PTPRR: variants seen among roughly 807,000 people sequenced by gnomAD.
The protein encoded by PTPRR is protein tyrosine phosphatase receptor type R.
Under a neutral mutation model 77.2 loss-of-function variants are expected in PTPRR, and 38 were observed. That is an observed-to-expected ratio of 0.49 (90% CI 0.38 to 0.65). The LOEUF (loss-of-function observed/expected upper bound fraction) is 0.65, where lower values mean the gene tolerates loss of function less well. PTPRR is among the 30% of genes least tolerant of loss of function. PTPRR has a pLI of 0.00. For synonymous variants in PTPRR, 299 were observed against 283.1 expected, an observed-to-expected ratio of 1.06 and a Z score of -0.57; for missense variants, 744 against 799.2, an observed-to-expected ratio of 0.93 and a Z score of 0.83.
At chr12:70,894,956 T>A (rs1446187516) in intron 1 of PTPRR, among the ~76,000 whole-genome samples, 1 of 151,696 alleles carries the variant, frequency 6.6e-6, no homozygotes, top group Non-Finnish European at 1.5e-5. Flanking sequence ...AGGATCCACA[T>A]AAAATATAAT....
intron 2 of PTPRR, among the ~76,000 whole-genome samples, chr12:70,884,770 G>GAGT (rs60963201): frequency 1.3e-4 from 19 of 150,550 alleles, no homozygotes; most frequent in African/African-American, 4.7e-4. Context: ...TACTCCGGAG[G>GAGT]CTGAGGCCAG....
Position 70,795,913 on chromosome 12 carries a change from A to ATTTTTTTTTTTTTTTTTTTT in PTPRR, c.358-31155_358-31136dup, listed in dbSNP as rs71437157. Among the ~76,000 whole-genome samples, 20 of 88,356 alleles carry ATTTTTTTTTTTTTTTTTTTT rather than the reference A, an allele frequency of 2.3e-4. 10 individuals carry two copies. Among genetic ancestry groups the ATTTTTTTTTTTTTTTTTTTT allele is most frequent in the East Asian group, 7.4e-4 (2 of 2,708 alleles). The allele number at this position is 88,356 out of a possible 152,430, so 58.0% of individuals were successfully genotyped here. On this transcript the variant is annotated intron_variant, in intron 2 of 13. Coordinates refer to ENST00000283228, the MANE Select transcript of PTPRR (RefSeq NM_002849.4). ...TATATGTTCAAAATGTATTTAGTAGATTTTTTTTTTTTTTTTTTTTTTTTT... is the reference window on the plus strand; with the variant it reads ...TATATGTTCAAAATGTATTTAGTAGATTTTTTTTTTTTTTTTTTTTTTTTTTTTTTTTTTTTTTTTTTTTT...
At chr12:70,877,755 A>T (rs1418617630) in intron 2 of PTPRR, among the ~76,000 whole-genome samples, 1 of 152,184 alleles carries the variant, frequency 6.6e-6, no homozygotes, top group Non-Finnish European at 1.5e-5. Flanking sequence ...ACTACTTCAA[A>T]GTTCATATGG....
At chr12:70,772,620 C>T (rs926076749) in intron 2 of PTPRR, among the ~76,000 whole-genome samples, 1 of 152,050 alleles carries the variant, frequency 6.6e-6, no homozygotes, top group Non-Finnish European at 1.5e-5. Context: ...GCATTTCCAC[C>T]TTAGGGTCTC....
intron 2 of PTPRR, among the ~76,000 whole-genome samples, chr12:70,877,211 T>C (rs1893066501): frequency 1.3e-5 from 2 of 152,156 alleles, no homozygotes; most frequent in East Asian, 1.9e-4. Flanking sequence ...GGCTGTGTGA[T>C]GCACAGCTCC....
At chr12:70,864,039 A>G (rs1892798810) in intron 2 of PTPRR, among the ~76,000 whole-genome samples, 1 of 152,222 alleles carries the variant, frequency 6.6e-6, no homozygotes, top group African/African-American at 2.4e-5. Flanking sequence ...GTAAAGATAC[A>G]AAAGGGTAAT....
chr12:70,897,224 A>G (rs1403898415), intron 1 of PTPRR, among the ~76,000 whole-genome samples: 5 of 151,846 alleles, frequency 3.3e-5, no homozygotes, highest in African/African-American at 7.3e-5. Context: ...GCAACCTACA[A>G]AATGGGAGAA....
At position 70,639,111 on chromosome 12, in the gene PTPRR, C is replaced by A; in HGVS notation, c.*73G>T. On this transcript the variant is annotated 3_prime_UTR_variant, in exon 14 of 14. Transcript: ENST00000283228. Reference sequence around the variant, plus strand: ...TCCTTCCTTCCATTGCAGGAAGCTCCTTCTAGAAGCCTTGGGTGGGTAATT... The same window carrying A: ...TCCTTCCTTCCATTGCAGGAAGCTCATTCTAGAAGCCTTGGGTGGGTAATT... 1.5e-6 allele frequency: 2 copies of A among 1,342,802 alleles called. No individual in the cohort carries two copies. The highest frequency in any genetic ancestry group is 1.0e-6 in the Non-Finnish European group (1 of 954,458). 83.2% of individuals were successfully genotyped at this position (1,342,802 alleles called of 1,614,324 possible).
chr12:70,804,275 G>T (rs982924094), intron 2 of PTPRR, among the ~76,000 whole-genome samples: 2 of 151,926 alleles, frequency 1.3e-5, no homozygotes, highest in Non-Finnish European at 2.9e-5. Flanking sequence ...AGACCTCTGG[G>T]CCGGGTGCAG....
intron 1 of PTPRR, among the ~76,000 whole-genome samples, chr12:70,908,012 GTTCA>G (rs1277653781): frequency 1.4e-4 from 22 of 152,164 alleles, no homozygotes; most frequent in African/African-American, 5.3e-4. Flanking sequence ...TCTATACATC[GTTCA>G]TTGTTATACA....
chr12:70,865,848 G>A (rs966378500), intron 2 of PTPRR, among the ~76,000 whole-genome samples: 3 of 152,116 alleles, frequency 2.0e-5, no homozygotes, highest in South Asian at 2.1e-4. Flanking sequence ...GAGAGAGCAC[G>A]TATTCTGTCT....
At chr12:70,865,257 C>A (rs1196245297) in intron 2 of PTPRR, among the ~76,000 whole-genome samples, 1 of 152,204 alleles carries the variant, frequency 6.6e-6, no homozygotes, top group Admixed American at 6.5e-5. Flanking sequence ...TCCATTAGAC[C>A]TCTTTTTCTT....
At position 70,795,913 on chromosome 12, in the gene PTPRR, A is replaced by ATTTTTTTTTTTTTTTT. The variant is rs71437157; in HGVS notation, c.358-31151_358-31136dup. ...TATATGTTCAAAATGTATTTAGTAG[A>ATTTTTTTTTTTTTTTT]TTTTTTTTTTTTTTTTTTTTTTTTT... On this transcript the variant is annotated intron_variant, in intron 2 of 13. Coordinates refer to ENST00000283228, the MANE Select transcript of PTPRR (RefSeq NM_002849.4). Among the ~76,000 whole-genome samples the ATTTTTTTTTTTTTTTT allele has an allele frequency of 5.2e-4, 46 of 88,356 alleles. 21 individuals are homozygous for ATTTTTTTTTTTTTTTT. The highest frequency in any genetic ancestry group is 5.5e-4 in the Non-Finnish European group (25 of 45,284). The allele number at this position is 88,356 out of a possible 152,430, so 58.0% of individuals were successfully genotyped here. A position where few individuals can be genotyped will look rare whatever the true frequency, so the allele number is the denominator to read the frequency against.
At position 70,904,987 on chromosome 12, in the gene PTPRR, A is replaced by G. The variant is rs144637290; in HGVS notation, c.59-12010T>C. On this transcript the variant is annotated intron_variant, in intron 1 of 13. Transcript: ENST00000283228. ...TTTTTAAGAAAGTAGAGATTTTGGC[A>G]CATTTAATCCTCAAGGAGAAGGAGC... 9.3e-3 allele frequency among the ~76,000 whole-genome samples: 1,406 copies of G among 151,884 alleles called. 29 individuals are homozygous for G. Among genetic ancestry groups the G allele is most frequent in the African/African-American group, 0.033 (1,357 of 41,508 alleles).
chr12:70,826,377 C>G (rs1400258148), intron 2 of PTPRR, among the ~76,000 whole-genome samples: 2 of 152,164 alleles, frequency 1.3e-5, no homozygotes, highest in Admixed American at 6.5e-5. Context: ...GGCCCAGTGA[C>G]AGAGATGGGG....
intron 2 of PTPRR, among the ~76,000 whole-genome samples, chr12:70,864,607 T>C (rs1416284923): frequency 6.6e-6 from 1 of 152,232 alleles, no homozygotes; most frequent in Non-Finnish European, 1.5e-5. Flanking sequence ...TATTCCATTA[T>C]GTGCCAGTCA....
At chr12:70,884,042 G>A (rs1209416410) in intron 2 of PTPRR, among the ~76,000 whole-genome samples, 2 of 152,208 alleles carry the variant, frequency 1.3e-5, no homozygotes, top group Admixed American at 1.3e-4. Flanking sequence ...TGACCTGTCT[G>A]AACTCTAGAC....
At position 70,755,580 on chromosome 12, in the gene PTPRR, C is replaced by T. The variant is rs914396717; in HGVS notation, c.628-1279G>A. Among the ~76,000 whole-genome samples, 11 of 152,244 alleles carry T rather than the reference C, an allele frequency of 7.2e-5. No homozygotes were observed. In the East Asian group the frequency reaches 1.5e-3, roughly 21 times the overall value. On this transcript the variant is annotated intron_variant, in intron 4 of 13. Transcript: ENST00000283228. ...ATTTGGAGAAAGCCTTTATTAAATGCTAACGTAATCAGGATTCTATTTTCT... is the reference window on the plus strand; with the variant it reads ...ATTTGGAGAAAGCCTTTATTAAATGTTAACGTAATCAGGATTCTATTTTCT...
At chr12:70,676,495 T>TC (rs1384649297) in intron 10 of PTPRR, among the ~76,000 whole-genome samples, 1 of 152,058 alleles carries the variant, frequency 6.6e-6, no homozygotes, top group African/African-American at 2.4e-5. Flanking sequence ...TCTGATTTTT[T>TC]CTCATGGTTT....
Sources: allele counts gnomAD v4.1 joint callset (sites outside exome capture counted in the v4.1 genomes callset), GRCh38; gene constraint gnomAD v4.1.1; transcripts MANE v1.5; gene names NCBI Gene and HGNC (gene_info 2026-07-23, HGNC 2026-07-21).